The following AKAP13 variants were observed in gnomAD, a reference collection of about 807,000 sequenced individuals.
AKAP13 encodes the protein A-kinase anchor protein 13.
Under a neutral mutation model 264.5 loss-of-function variants are expected in AKAP13, and 80 were observed. That is an observed-to-expected ratio of 0.30 (90% CI 0.25 to 0.36). AKAP13 has a LOEUF of 0.36. Among genes scored for constraint, AKAP13 ranks in the 10% least tolerant of loss-of-function variants. The pLI is 1.00. For synonymous variants in AKAP13, 1,380 were observed against 1,250.2 expected (o/e 1.10, Z -2.19); for missense variants, 3,712 against 3,435.2 (o/e 1.08, Z -2.01).
chr15:85,471,061 C>G (rs2074942266), intron 1 of AKAP13, among the ~76,000 whole-genome samples: 1 of 152,160 alleles, frequency 6.6e-6, no homozygotes, highest in Non-Finnish European at 1.5e-5. Flanking sequence ...TGTTACTGCC[C>G]TCATTGTGGA....
chr15:85,492,116 G>A lies in AKAP13; in HGVS notation c.33+6363G>A, dbSNP rs146446030. Among the ~76,000 whole-genome samples, 7 of 152,300 alleles carry A rather than the reference G, an allele frequency of 4.6e-5. No individual in the cohort carries two copies. The East Asian group carries it at 7.7e-4, about 17-fold the overall frequency. On this transcript the variant is annotated intron_variant, in intron 2 of 36. Transcript: ENST00000394518. ...TTCCATAAGATGCAAACATGTCATAGCACTTAATATTATAGAGACTTGCAG... is the reference window on the plus strand; with the variant it reads ...TTCCATAAGATGCAAACATGTCATAACACTTAATATTATAGAGACTTGCAG...
At chr15:85,380,910 G>C (rs1389727452) in intron 1 of AKAP13, 112 bp downstream of exon 1, 3 of 152,176 alleles carry the variant, frequency 2.0e-5, no homozygotes, top group African/African-American at 2.4e-5. Context: ...CCCCGGAGGA[G>C]GGGCGGGGGC....
intron 4 of AKAP13, among the ~76,000 whole-genome samples, chr15:85,543,363 T>C (rs2077632782): frequency 6.6e-6 from 1 of 152,240 alleles, no homozygotes; most frequent in Non-Finnish European, 1.5e-5. Context: ...TCCCAACAGC[T>C]ATTCCCTCTT....
intron 10 of AKAP13, among the ~76,000 whole-genome samples, chr15:85,650,663 G>A (rs1454936425): frequency 6.9e-6 from 1 of 144,474 alleles, no homozygotes; most frequent in Non-Finnish European, 1.5e-5. Flanking sequence ...GGCTGAGGCA[G>A]GAGAATCATT....
chr15:85,532,778 C>T (rs11073403), intron 3 of AKAP13, among the ~76,000 whole-genome samples: 14,045 of 152,278 alleles, frequency 0.092, 824 homozygotes, highest in Admixed American at 0.19. Context: ...TGTCTGCAGC[C>T]GAACTCTTTG....
chr15:85,566,057 C>T (rs2078594835), intron 5 of AKAP13, among the ~76,000 whole-genome samples: 1 of 152,188 alleles, frequency 6.6e-6, no homozygotes, highest in East Asian at 1.9e-4. Context: ...TTAGAGCATA[C>T]TGTGAAGCAG....
intron 8 of AKAP13, among the ~76,000 whole-genome samples, chr15:85,623,807 G>C (rs1054791427): frequency 6.6e-6 from 1 of 152,134 alleles, no homozygotes; most frequent in Non-Finnish European, 1.5e-5. Context: ...TCCTTTTCTT[G>C]ATGCATGCAC....
rs2089365354 is a variant in AKAP13, at chr15:85,746,238, T to A, written c.*1561T>A. ...GCAGATGGAGATATTTATCTTTCAG[T>A]TTATTTGAAAGAGGTCTGGTTTAAA... On this transcript the variant is annotated 3_prime_UTR_variant, in exon 37 of 37. Transcript: ENST00000394518. 1 of 152,644 alleles carries A rather than the reference T, an allele frequency of 6.6e-6. No individual in the cohort carries two copies. The highest frequency in any genetic ancestry group is 2.4e-5 in the African/African-American group (1 of 41,464). 9.5% of individuals were successfully genotyped at this position (152,644 alleles called of 1,614,324 possible). A position where few individuals can be genotyped will look rare whatever the true frequency, so the allele number is the denominator to read the frequency against.
chr15:85,404,385 G>A (rs948404721), intron 1 of AKAP13, among the ~76,000 whole-genome samples: 6 of 152,166 alleles, frequency 3.9e-5, no homozygotes, highest in South Asian at 2.1e-4. Flanking sequence ...GCAACAACAC[G>A]CTTTAAAAAC....
intron 31 of AKAP13, 87 bp downstream of exon 31, chr15:85,735,237 C>T (rs1350116016): frequency 6.6e-7 from 1 of 1,509,570 alleles, no homozygotes; most frequent in Non-Finnish European, 8.9e-7. Context: ...GTAGCTACAT[C>T]ACCGCTCCCA....
rs1377340125 is a variant in AKAP13 at position 85,746,371 on chromosome 15, C to T, written c.*1694C>T. ...ACAGTCTAAACTATCCAGTCAATAC[C>T]GAGTGAAGTGGCAGCCAGCACTGTT... On this transcript the variant is annotated 3_prime_UTR_variant, in exon 37 of 37. Transcript: ENST00000394518. 1.3e-5 allele frequency: 2 copies of T among 151,954 alleles called. No individual in the cohort carries two copies. Among genetic ancestry groups the T allele is most frequent in the African/African-American group, 2.4e-5 (1 of 41,336 alleles). The allele number at this position is 151,954 out of a possible 1,614,324, so 9.4% of individuals were successfully genotyped here.
intron 17 of AKAP13, among the ~76,000 whole-genome samples, chr15:85,705,234 T>C (rs1460309376): frequency 1.3e-5 from 2 of 152,204 alleles, no homozygotes; most frequent in African/African-American, 2.4e-5. Flanking sequence ...TACGTGATAG[T>C]GCCACTCCCT....
chr15:85,401,346 G>A (rs2071412803), intron 1 of AKAP13, among the ~76,000 whole-genome samples: 1 of 152,022 alleles, frequency 6.6e-6, no homozygotes, highest in Non-Finnish European at 1.5e-5. Flanking sequence ...ACTTGGTTTT[G>A]GTAAGGAACC....
intron 15 of AKAP13, among the ~76,000 whole-genome samples, chr15:85,682,924 C>A (rs554136974): frequency 1.1e-5 from 1 of 93,646 alleles, no homozygotes; most frequent in African/African-American, 4.1e-5. Flanking sequence ...GCCTCAGCTT[C>A]CCAAAGTGCT....
intron 32 of AKAP13, 105 bp downstream of exon 32, chr15:85,735,735 T>C (rs980880978): frequency 9.0e-7 from 1 of 1,113,668 alleles, no homozygotes; most frequent in African/African-American, 1.6e-5. Flanking sequence ...CCTGAATTGC[T>C]GCTTTTAATA....
At chr15:85,730,086 C>T (rs767883863) in intron 29 of AKAP13, among the ~76,000 whole-genome samples, 1 of 152,062 alleles carries the variant, frequency 6.6e-6, no homozygotes, top group Non-Finnish European at 1.5e-5. Flanking sequence ...AACTGGTGTC[C>T]TAAAAGCTAA....
chr15:85,440,102 C>T (rs1025374756), intron 1 of AKAP13, among the ~76,000 whole-genome samples: 1 of 152,068 alleles, frequency 6.6e-6, no homozygotes, highest in Non-Finnish European at 1.5e-5. Flanking sequence ...GTTCTGTGCC[C>T]ACCCTTTATG....
At chr15:85,458,434 A>G (rs1027369786) in intron 1 of AKAP13, among the ~76,000 whole-genome samples, 1 of 142,118 alleles carries the variant, frequency 7.0e-6, no homozygotes, top group Non-Finnish European at 1.5e-5. Flanking sequence ...AGTGCAACAC[A>G]TCTGTATTTT....
At chr15:85,534,888 A>G (rs2077343066) in intron 4 of AKAP13, 1 of 152,178 alleles carries the variant, frequency 6.6e-6, no homozygotes. Context: ...CTGGAGTTCA[A>G]TAAGTAACAT....
Sources: allele counts gnomAD v4.1 joint callset (sites outside exome capture counted in the v4.1 genomes callset), GRCh38; gene constraint gnomAD v4.1.1; transcripts MANE v1.5; gene names NCBI Gene and HGNC (gene_info 2026-07-23, HGNC 2026-07-21).